Variants in JPH3 observed in about 807,000 individuals in gnomAD.
The protein encoded by JPH3 is junctophilin 3.
A neutral mutation model predicts 59.6 loss-of-function variants in JPH3; 11 were observed. The observed-to-expected ratio is 0.18, with a 90% confidence interval of 0.12 to 0.31. The LOEUF is 0.31. Ranked by LOEUF, JPH3 falls within the 10% of genes least tolerant of loss-of-function variation. The pLI is 1.00. For missense variants in JPH3, 1,202 were observed against 1,105.7 expected, an observed-to-expected ratio of 1.09 and a Z score of -1.24; for synonymous variants, 673 against 483.6, an observed-to-expected ratio of 1.39 and a Z score of -5.14.
chr16:87,614,545 C>T (rs2030871668), intron 1 of JPH3, among the ~76,000 whole-genome samples: 1 of 151,478 alleles, frequency 6.6e-6, no homozygotes, highest in Non-Finnish European at 1.5e-5. Flanking sequence ...GCTGCGTGTC[C>T]TTTCCCAGGA....
At chr16:87,627,158 C>G (rs2031408078) in intron 1 of JPH3, among the ~76,000 whole-genome samples, 1 of 152,188 alleles carries the variant, frequency 6.6e-6, no homozygotes, top group Admixed American at 6.5e-5. Context: ...GTGATTCCAA[C>G]TCAAGCCTCT....
chr16:87,695,970 C>G (rs572952255), intron 4 of JPH3: 2 of 456,052 alleles, frequency 4.4e-6, no homozygotes, highest in African/African-American at 4.0e-5. Context: ...CAGCAGCATT[C>G]AGGACCATAA....
rs968376016 is a variant in JPH3 at position 87,664,114 on chromosome 16, G to C, written c.1160+19079G>C. Among the ~76,000 whole-genome samples the C allele has an allele frequency of 2.7e-5, 4 of 150,396 alleles. No homozygotes were observed. In the East Asian group the frequency reaches 8.0e-4, roughly 30 times the overall value. ...TGGGAGGCCGAGGCGGGTGGATCACGAGGTCAGCAGATTGATAGCATCCTG... is the reference window on the plus strand; with the variant it reads ...TGGGAGGCCGAGGCGGGTGGATCACCAGGTCAGCAGATTGATAGCATCCTG... On this transcript the variant is annotated intron_variant, in intron 2 of 4. Coordinates refer to ENST00000284262, the MANE Select transcript of JPH3 (RefSeq NM_020655.4).
At chr16:87,693,478 A>G (rs2033666283) in intron 4 of JPH3, 1 of 152,302 alleles carries the variant, frequency 6.6e-6, no homozygotes. Flanking sequence ...GTTCGAGACC[A>G]GCCTGGCCAC....
intron 1 of JPH3, among the ~76,000 whole-genome samples, chr16:87,625,451 G>T (rs1486179986): frequency 6.6e-6 from 1 of 152,214 alleles, no homozygotes; most frequent in Non-Finnish European, 1.5e-5. Context: ...CACCTGAGAG[G>T]TCTGAACCCT....
At chr16:87,603,663 C>T in intron 1 of JPH3, 135 bp downstream of exon 1, 2 of 1,155,698 alleles carry the variant, frequency 1.7e-6, no homozygotes, top group Non-Finnish European at 2.4e-6. Flanking sequence ...CCCGGGCTTC[C>T]CTGGAAGCCA....
chr16:87,678,413 C>G lies in JPH3; in HGVS notation c.1161-5729C>G, dbSNP rs1409109882. 3.3e-5 allele frequency among the ~76,000 whole-genome samples: 5 copies of G among 151,944 alleles called. No homozygotes were observed. The South Asian group carries it at 6.2e-4, about 19-fold the overall frequency. On this transcript the variant is annotated intron_variant, in intron 2 of 4. Coordinates refer to ENST00000284262, the MANE Select transcript of JPH3 (RefSeq NM_020655.4). ...AATTAGCCGGGCTTGGTGGCACATA[C>G]CTGTAGTCCCAGCTACTTGGGAGGC...
At chr16:87,641,450 G>T (rs909660382) in intron 1 of JPH3, among the ~76,000 whole-genome samples, 1 of 152,216 alleles carries the variant, frequency 6.6e-6, no homozygotes, top group African/African-American at 2.4e-5. Flanking sequence ...TGACCGACCA[G>T]TGTGGGATCC....
Position 87,689,953 on chromosome 16 carries a change from G to C in JPH3, c.1593G>C (p.Trp531Cys). 1 of 1,450,232 alleles carries C rather than the reference G, an allele frequency of 6.9e-7. No individual in the cohort carries two copies. Among genetic ancestry groups the C allele is most frequent in the South Asian group, 1.5e-5 (1 of 68,534 alleles). The allele number at this position is 1,450,232 out of a possible 1,614,324, so 89.8% of individuals were successfully genotyped here. ...GRAGDCARSS[W>C]GEEQAGGSRG... is the part of the protein sequence containing the mutation. ...CCGGGGACTGCGCCCGCAGCAGCTG[G>C]GGCGAGGAGCAGGCCGGGGGCTCCA... Residue 531 changes from tryptophan (W) to cysteine (C), a missense_variant, in exon 4 of 5, where the codon TGG (tryptophan) becomes TGC (cysteine). Transcript: ENST00000284262.
rs189806404 is a variant in JPH3 at position 87,613,559 on chromosome 16, G to A, written c.382+10031G>A. 1.2e-4 allele frequency among the ~76,000 whole-genome samples: 18 copies of A among 152,258 alleles called. No individual in the cohort carries two copies. The East Asian group carries it at 3.5e-3, about 29-fold the overall frequency. On this transcript the variant is annotated intron_variant, in intron 1 of 4. Transcript: ENST00000284262. ...TGGTCTTGAACTCTTGACCTCAAGT[G>A]ATCCGCCCACCTCAGCCTCTCAAAG...
chr16:87,613,680 A>G (rs1002510842), intron 1 of JPH3, among the ~76,000 whole-genome samples: 1 of 152,168 alleles, frequency 6.6e-6, no homozygotes, highest in South Asian at 2.1e-4. Flanking sequence ...TGGACTTGGA[A>G]CCTGAAGCTA....
intron 2 of JPH3, among the ~76,000 whole-genome samples, chr16:87,656,365 C>G (rs1181825164): frequency 4.6e-5 from 7 of 152,202 alleles, no homozygotes; most frequent in African/African-American, 1.7e-4. Flanking sequence ...AAAGGAAGCT[C>G]TAAACACCAG....
intron 2 of JPH3, among the ~76,000 whole-genome samples, chr16:87,672,127 G>C (rs986755984): frequency 6.6e-6 from 1 of 152,116 alleles, no homozygotes; most frequent in Non-Finnish European, 1.5e-5. Context: ...GGGGGCGGGG[G>C]TGTGGGGTGA....
chr16:87,684,106 C>T, intron 2 of JPH3, 36 bp from the exon 3 acceptor site: 1 of 1,563,384 alleles, frequency 6.4e-7, no homozygotes, highest in Non-Finnish European at 8.8e-7. Context: ...ACCTGTGCCC[C>T]CTGCCCCCCC....
At chr16:87,650,318 G>A (rs2032290035) in intron 2 of JPH3, among the ~76,000 whole-genome samples, 3 of 152,204 alleles carry the variant, frequency 2.0e-5, no homozygotes, top group Non-Finnish European at 4.4e-5. Context: ...ATATAAGACA[G>A]TGAACTTAAT....
At chr16:87,659,379 AAAAAAAAG>A (rs1460950647) in intron 2 of JPH3, among the ~76,000 whole-genome samples, 1 of 129,586 alleles carries the variant, frequency 7.7e-6, no homozygotes. Context: ...TGTCTCAAAA[AAAAAAAAG>A]AAAAAAAAAA....
chr16:87,618,493 A>G (rs1253053626), intron 1 of JPH3, among the ~76,000 whole-genome samples: 1 of 152,114 alleles, frequency 6.6e-6, no homozygotes, highest in Admixed American at 6.5e-5. Flanking sequence ...AGGTACGTCC[A>G]TGTGTCGTGC....
In JPH3 at chr16:87,603,493, A is replaced by G; in HGVS notation, c.347A>G (p.Gln116Arg). 6.4e-7 allele frequency: 1 copy of G among 1,553,032 alleles called. No homozygotes were observed. Among genetic ancestry groups the G allele is most frequent in the Non-Finnish European group, 8.7e-7 (1 of 1,148,958 alleles). ...GAAGGGACCTGGAGCAACGGGCTGC[A>G]GGACGGCTACGGGACCGAGACCTAC... ...KYEGTWSNGL[Q>R]DGYGTETYSD... is the part of the protein sequence containing the mutation. The change falls in exon 1 of 5, where the codon CAG becomes CGG. Residue 116 changes from glutamine (Q) to arginine (R), a missense_variant. Coordinates refer to ENST00000284262, the MANE Select transcript of JPH3 (RefSeq NM_020655.4).
In JPH3 at chr16:87,619,648, C is replaced by T. The variant is rs554946457; in HGVS notation, c.382+16120C>T. 1.3e-3 allele frequency among the ~76,000 whole-genome samples: 191 copies of T among 152,278 alleles called. 3 individuals carry two copies. In the South Asian group the frequency reaches 0.031, roughly 25 times the overall value. On this transcript the variant is annotated intron_variant, in intron 1 of 4. Coordinates refer to ENST00000284262, the MANE Select transcript of JPH3 (RefSeq NM_020655.4). The stretch of plus-strand genomic sequence containing the variant: ...TACCAGCTCCGGTCCTCGGACACCA[C>T]GACGGCTGCAGGCAGAGGGAGGAGC...
Sources: allele counts gnomAD v4.1 joint callset (sites outside exome capture counted in the v4.1 genomes callset), GRCh38; gene constraint gnomAD v4.1.1; transcripts MANE v1.5; gene names NCBI Gene and HGNC (gene_info 2026-07-23, HGNC 2026-07-21).